FGF10: variants seen among roughly 807,000 people sequenced by gnomAD.
FGF10 encodes the protein fibroblast growth factor 10, also known as FGF-10.
A neutral mutation model predicts 19.8 loss-of-function variants in FGF10; 2 were observed. That is an observed-to-expected ratio of 0.10 (90% CI 0.04 to 0.32). The LOEUF is 0.32. Ranked by LOEUF, FGF10 falls within the 10% of genes least tolerant of loss-of-function variation. The pLI is 1.00. For missense variants in FGF10, 191 were observed against 246.3 expected (o/e 0.78, Z 1.50); for synonymous variants, 112 against 94.0 (o/e 1.19, Z -1.10).
intron 1 of FGF10, among the ~76,000 whole-genome samples, chr5:44,349,016 T>C (rs1328532094): frequency 6.6e-6 from 1 of 151,510 alleles, no homozygotes; most frequent in Non-Finnish European, 1.5e-5. Context: ...CCAAAACTCG[T>C]TCAAGAAATT....
intron 1 of FGF10, among the ~76,000 whole-genome samples, chr5:44,360,990 C>A: frequency 6.6e-6 from 1 of 151,720 alleles, no homozygotes; most frequent in Admixed American, 6.6e-5. Context: ...TCTAACTTTT[C>A]TGAATGAATG....
rs17227773 is a variant in FGF10 at position 44,354,070 on chromosome 5, TTAAAA to T, written c.325+34283_325+34287del. Among the ~76,000 whole-genome samples the T allele has an allele frequency of 1.8e-3, 273 of 151,550 alleles. 1 individual carries two copies. Among genetic ancestry groups the T allele is most frequent in the African/African-American group, 6.3e-3 (263 of 41,442 alleles). On this transcript the variant is annotated intron_variant, in intron 1 of 2. Transcript: ENST00000264664. The stretch of plus-strand genomic sequence containing the variant: ...CTCTGGAGTTCTTAGTTTAGGTGAA[TTAAAA>T]TATGATGGATCTACCTTGCCTTTGA...
intron 1 of FGF10, among the ~76,000 whole-genome samples, chr5:44,341,419 T>C (rs1740968168): frequency 6.6e-6 from 1 of 151,960 alleles, no homozygotes; most frequent in African/African-American, 2.4e-5. Context: ...AGAAATATGA[T>C]ATGGTTTATT....
chr5:44,341,535 A>G (rs1740972400), intron 1 of FGF10, among the ~76,000 whole-genome samples: 1 of 151,956 alleles, frequency 6.6e-6, no homozygotes, highest in South Asian at 2.1e-4. Flanking sequence ...TCAAGTAGGT[A>G]AGTTATTTTA....
At chr5:44,365,350 C>CAAAAAAA (rs3060085) in intron 1 of FGF10, among the ~76,000 whole-genome samples, 2 of 124,732 alleles carry the variant, frequency 1.6e-5, no homozygotes, top group Non-Finnish European at 3.3e-5. Flanking sequence ...AAATAATTTG[C>CAAAAAAA]AAAAAAAAAA....
chr5:44,335,596 C>G (rs1380971029), intron 1 of FGF10, among the ~76,000 whole-genome samples: 2 of 152,018 alleles, frequency 1.3e-5, no homozygotes, highest in African/African-American at 4.8e-5. Context: ...CAATTACATT[C>G]TATTTATTTA....
At chr5:44,348,432 G>T (rs1190855992) in intron 1 of FGF10, among the ~76,000 whole-genome samples, 1 of 151,418 alleles carries the variant, frequency 6.6e-6, no homozygotes, top group Non-Finnish European at 1.5e-5. Flanking sequence ...AGAAGAAAGG[G>T]CACTTAACAT....
At chr5:44,349,129 T>C (rs1406918745) in intron 1 of FGF10, among the ~76,000 whole-genome samples, 2 of 151,184 alleles carry the variant, frequency 1.3e-5, no homozygotes, top group South Asian at 2.1e-4. Flanking sequence ...GTTTATTTTC[T>C]AGGATACTTT....
chr5:44,383,885 A>G (rs1490927436), intron 1 of FGF10, among the ~76,000 whole-genome samples: 1 of 152,110 alleles, frequency 6.6e-6, no homozygotes, highest in Non-Finnish European at 1.5e-5. Flanking sequence ...CGTTATTAGA[A>G]GATCACTTCT....
chr5:44,371,730 G>T (rs147985733), intron 1 of FGF10, among the ~76,000 whole-genome samples: 180 of 152,186 alleles, frequency 1.2e-3, no homozygotes, highest in African/African-American at 4.1e-3. Flanking sequence ...CGTTTTAAAA[G>T]CATATAGTCA....
intron 1 of FGF10, among the ~76,000 whole-genome samples, chr5:44,344,716 T>G (rs1741048178): frequency 6.6e-6 from 1 of 151,682 alleles, no homozygotes; most frequent in Non-Finnish European, 1.5e-5. Context: ...GTGGAACATT[T>G]GCTAATAATA....
chr5:44,384,388 G>A (rs1372856470), intron 1 of FGF10, among the ~76,000 whole-genome samples: 1 of 152,042 alleles, frequency 6.6e-6, no homozygotes, highest in Non-Finnish European at 1.5e-5. Context: ...GATATCATGT[G>A]GCCACCTGCA....
At chr5:44,383,669 T>C (rs564187427) in intron 1 of FGF10, among the ~76,000 whole-genome samples, 13 of 152,140 alleles carry the variant, frequency 8.5e-5, no homozygotes, top group Admixed American at 2.6e-4. Flanking sequence ...AAGTGGAGGG[T>C]CCATATGGTA....
chr5:44,384,458 A>T (rs902064959), intron 1 of FGF10, among the ~76,000 whole-genome samples: 4 of 152,132 alleles, frequency 2.6e-5, no homozygotes, highest in African/African-American at 4.8e-5. Context: ...TTCCAATTTA[A>T]TTCTAAAGAA....
chr5:44,318,961 C>T (rs888305197), intron 1 of FGF10, among the ~76,000 whole-genome samples: 7 of 152,174 alleles, frequency 4.6e-5, no homozygotes, highest in African/African-American at 1.2e-4. Context: ...GAGAAGATTT[C>T]GAAGAAATCT....
At chr5:44,376,699 A>C in intron 1 of FGF10, among the ~76,000 whole-genome samples, 1 of 151,874 alleles carries the variant, frequency 6.6e-6, no homozygotes, top group Non-Finnish European at 1.5e-5. Flanking sequence ...GAATAATGTC[A>C]TTTTAGTGAA....
intron 1 of FGF10, among the ~76,000 whole-genome samples, chr5:44,356,943 C>T: frequency 6.6e-6 from 1 of 151,150 alleles, no homozygotes; most frequent in East Asian, 2.0e-4. Context: ...AACCAGGTGA[C>T]CTTACATCCC....
chr5:44,339,657 T>A (rs895634848), intron 1 of FGF10, among the ~76,000 whole-genome samples: 1 of 152,154 alleles, frequency 6.6e-6, no homozygotes, highest in East Asian at 1.9e-4. Context: ...CTTTGAATGA[T>A]GTCTTCTTAT....
At chr5:44,313,278 A>C (rs998623699) in intron 1 of FGF10, among the ~76,000 whole-genome samples, 1 of 152,040 alleles carries the variant, frequency 6.6e-6, no homozygotes. Flanking sequence ...GTGAAAGGGG[A>C]GTTCTGAAGG....
Sources: gnomAD v4.1 joint callset for allele counts (sites outside exome capture counted in the v4.1 genomes callset) on GRCh38, gnomAD v4.1.1 for gene constraint, MANE v1.5 for transcripts, NCBI Gene and HGNC (gene_info 2026-07-23, HGNC 2026-07-21) for gene names.